Variants in BACH2 observed in about 807,000 individuals in gnomAD.
BACH2 encodes transcription regulator protein BACH2.
BACH2 carries 5 observed loss-of-function variants against 61.8 expected under a neutral mutation model. That is an observed-to-expected ratio of 0.08 (90% CI 0.04 to 0.17). BACH2 has a LOEUF of 0.17. BACH2 is among the 10% of genes least tolerant of loss of function. BACH2 has a pLI of 1.00. For missense variants in BACH2, 824 were observed against 1,091.1 expected, an observed-to-expected ratio of 0.76 and a Z score of 3.45; for synonymous variants, 446 against 440.1, an observed-to-expected ratio of 1.01 and a Z score of -0.17.
chr6:90,212,719 T>A (rs1769398685), intron 3 of BACH2, among the ~76,000 whole-genome samples: 1 of 152,030 alleles, frequency 6.6e-6, no homozygotes, highest in African/African-American at 2.4e-5. Flanking sequence ...AATATATGAG[T>A]TATGGTTCAA....
At chr6:90,138,589 T>TAA (rs574488870) in intron 4 of BACH2, among the ~76,000 whole-genome samples, 146 of 149,360 alleles carry the variant, frequency 9.8e-4, no homozygotes, top group African/African-American at 3.3e-3. Flanking sequence ...GTCTTCTCCT[T>TAA]AAAAAAAAAA....
chr6:90,118,469 A>T (rs1284644225), intron 4 of BACH2, among the ~76,000 whole-genome samples: 3 of 152,186 alleles, frequency 2.0e-5, no homozygotes, highest in African/African-American at 7.2e-5. Flanking sequence ...TCACTGGGAG[A>T]GTTTATTCCT....
chr6:90,057,858 A>G (rs1780453765), intron 5 of BACH2, among the ~76,000 whole-genome samples: 1 of 152,204 alleles, frequency 6.6e-6, no homozygotes, highest in South Asian at 2.1e-4. Flanking sequence ...ATATAAACAG[A>G]ACCAAAGACA....
chr6:90,006,970 C>T (rs1271976676), intron 6 of BACH2, among the ~76,000 whole-genome samples: 1 of 152,118 alleles, frequency 6.6e-6, no homozygotes, highest in Non-Finnish European at 1.5e-5. Context: ...GGGGTAATAG[C>T]AGATGTTGCT....
chr6:89,950,735 G>C lies in BACH2; in HGVS notation c.1371C>G (p.Asp457Glu). The C allele has an allele frequency of 6.2e-7, 1 of 1,614,180 alleles. No individual in the cohort carries two copies. The highest frequency in any genetic ancestry group is 8.5e-7 in the Non-Finnish European group (1 of 1,180,022). The change falls in exon 7 of 9, where the codon GAC becomes GAG. Residue 457 changes from aspartate to glutamate, a missense_variant. Transcript: ENST00000257749. The surrounding 1 kb of genome is among the most constrained non-coding windows in gnomAD (Gnocchi z 5.3). ...GACCCTTTGGCACCGGCTCAGAGAG[G>C]TCTTTGTCCAAACTGCTCACCCCAG... ...SYSGVSSLDKDLSEPVPKGLW... is the reference protein window; with the variant it reads ...SYSGVSSLDKELSEPVPKGLW...
rs569825406 is a variant in BACH2 at position 89,950,218 on chromosome 6, A to C, written c.1836+52T>G. The C allele has an allele frequency of 6.2e-7, 1 of 1,604,422 alleles. No homozygotes were observed. Among genetic ancestry groups the C allele is most frequent in the East Asian group, 2.2e-5 (1 of 44,810 alleles). On this transcript the variant is annotated intron_variant, in intron 7 of 8. Transcript: ENST00000257749. This position sits in a 1 kb window ranked among gnomAD's most constrained non-coding sequence, Gnocchi z 5.3. ...TGGTGGGGGGCAGGGAGTAGTCCAG[A>C]TAAAGGGCCTAGAGAGTGGGTCACA...
chr6:90,285,591 T>C (rs1771995629), intron 1 of BACH2, among the ~76,000 whole-genome samples: 1 of 152,218 alleles, frequency 6.6e-6, no homozygotes, highest in Non-Finnish European at 1.5e-5. Flanking sequence ...TATGAATCTT[T>C]ATGCAGTCCC....
chr6:90,138,389 C>A (rs1784353048), intron 4 of BACH2, among the ~76,000 whole-genome samples: 1 of 152,056 alleles, frequency 6.6e-6, no homozygotes, highest in African/African-American at 2.4e-5. Context: ...TGTAGTCTCA[C>A]CTACTTGGTA....
intron 4 of BACH2, among the ~76,000 whole-genome samples, chr6:90,159,902 A>T (rs1194934746): frequency 6.6e-6 from 1 of 152,214 alleles, no homozygotes; most frequent in African/African-American, 2.4e-5. Context: ...TGACAATAAA[A>T]GATTATCTGA....
chr6:90,183,728 G>A (rs1768248632), intron 4 of BACH2, among the ~76,000 whole-genome samples: 1 of 152,188 alleles, frequency 6.6e-6, no homozygotes, highest in East Asian at 1.9e-4. Context: ...TCTGTGAGCT[G>A]CTGGTAATCA....
At chr6:90,146,427 G>A (rs969749298) in intron 4 of BACH2, among the ~76,000 whole-genome samples, 6 of 152,212 alleles carry the variant, frequency 3.9e-5, no homozygotes, top group Admixed American at 1.3e-4. Flanking sequence ...GACCAAAGTT[G>A]ATTATTCTAT....
chr6:89,982,649 T>C (rs1039078453), intron 6 of BACH2, among the ~76,000 whole-genome samples: 4 of 152,194 alleles, frequency 2.6e-5, no homozygotes, highest in African/African-American at 7.2e-5. Context: ...ATAATAAATA[T>C]CTGAACAATA....
intron 4 of BACH2, among the ~76,000 whole-genome samples, chr6:90,128,594 A>C (rs1200819637): frequency 6.6e-6 from 1 of 152,174 alleles, no homozygotes; most frequent in Non-Finnish European, 1.5e-5. Context: ...ACAACAACAA[A>C]AAATTTTACA....
intron 4 of BACH2, among the ~76,000 whole-genome samples, chr6:90,154,444 T>C (rs1229864449): frequency 6.6e-6 from 1 of 152,160 alleles, no homozygotes; most frequent in Admixed American, 6.5e-5. Context: ...TCTACTCCTT[T>C]TATAGATGAG....
intron 4 of BACH2, among the ~76,000 whole-genome samples, chr6:90,195,273 G>A (rs1768717987): frequency 6.6e-6 from 1 of 152,134 alleles, no homozygotes; most frequent in Non-Finnish European, 1.5e-5. Context: ...AGTCTGACAT[G>A]ATTAGCGTTT....
chr6:90,092,315 T>TATACACAC (rs142761642), intron 4 of BACH2, among the ~76,000 whole-genome samples: 169 of 112,390 alleles, frequency 1.5e-3, no homozygotes, highest in African/African-American at 5.8e-3. Flanking sequence ...TATATATATA[T>TATACACAC]ACACACACAC....
chr6:90,114,557 A>G (rs1212458850), intron 4 of BACH2, among the ~76,000 whole-genome samples: 2 of 152,204 alleles, frequency 1.3e-5, no homozygotes, highest in Non-Finnish European at 2.9e-5. Context: ...CACAGCCAAC[A>G]TATTACTGAA....
intron 4 of BACH2, among the ~76,000 whole-genome samples, chr6:90,099,189 C>T (rs1451663441): frequency 1.3e-5 from 2 of 152,078 alleles, no homozygotes; most frequent in East Asian, 1.9e-4. Flanking sequence ...AGTGGCAGGT[C>T]GTGCCACTCT....
At chr6:90,053,675 G>A (rs981132246) in intron 5 of BACH2, among the ~76,000 whole-genome samples, 2 of 152,168 alleles carry the variant, frequency 1.3e-5, no homozygotes, top group African/African-American at 4.8e-5. Context: ...CTCTCATTTT[G>A]AAGGTTATTT....
Sources: gnomAD v4.1 joint callset for allele counts (sites outside exome capture counted in the v4.1 genomes callset) on GRCh38, gnomAD v4.1.1 for gene constraint, Gnocchi (gnomAD v3.1) non-coding constraint, MANE v1.5 for transcripts, NCBI Gene and HGNC (gene_info 2026-07-23, HGNC 2026-07-21) for gene names.